The following TSPAN11 variants were observed in gnomAD, a reference collection of about 807,000 sequenced individuals.
TSPAN11 encodes tetraspanin-11.
In TSPAN11, 29 loss-of-function variants were observed where a neutral mutation model predicts 32.9. That is an observed-to-expected ratio of 0.88 (90% CI 0.66 to 1.20). The LOEUF is 1.20. TSPAN11 is among the 50% of genes most tolerant of loss of function. TSPAN11 has a pLI of 0.00. For missense variants in TSPAN11, 283 were observed against 329.1 expected, an observed-to-expected ratio of 0.86 and a Z score of 1.08; for synonymous variants, 140 against 141.3, an observed-to-expected ratio of 0.99 and a Z score of 0.07.
intron 1 of TSPAN11, among the ~76,000 whole-genome samples, chr12:30,931,104 C>T (rs549958070): frequency 2.0e-5 from 3 of 152,268 alleles, no homozygotes; most frequent in African/African-American, 7.2e-5. Context: ...GGATAAACCC[C>T]CCAGTGGTTC....
chr12:30,982,810 G>C (rs1939121338), intron 6 of TSPAN11, 120 bp downstream of exon 6: 3 of 1,390,206 alleles, frequency 2.2e-6, no homozygotes, highest in Non-Finnish European at 2.9e-6. Context: ...GTGCTCCTTG[G>C]CCACGAGCCC....
chr12:30,939,838 A>C (rs1445035579), intron 1 of TSPAN11, among the ~76,000 whole-genome samples: 2 of 152,162 alleles, frequency 1.3e-5, no homozygotes, highest in East Asian at 3.9e-4. Flanking sequence ...GCCCGATTAC[A>C]ACCTCAGGTG....
chr12:30,930,438 A>C (rs2140266816), intron 1 of TSPAN11, among the ~76,000 whole-genome samples: 1 of 152,352 alleles, frequency 6.6e-6, no homozygotes, highest in Middle Eastern at 3.4e-3. Flanking sequence ...AGGCAGAGGC[A>C]GCCAGCAGCA....
intron 1 of TSPAN11, among the ~76,000 whole-genome samples, chr12:30,952,746 G>C (rs1270795430): frequency 6.6e-6 from 1 of 152,232 alleles, no homozygotes; most frequent in Non-Finnish European, 1.5e-5. Context: ...CCCGGCATGT[G>C]TGTCTTCTCT....
intron 3 of TSPAN11, among the ~76,000 whole-genome samples, chr12:30,969,839 C>A (rs1339838560): frequency 6.6e-6 from 1 of 152,156 alleles, no homozygotes; most frequent in African/African-American, 2.4e-5. Flanking sequence ...GGACTCTGAC[C>A]CAGTTCTAGG....
intron 4 of TSPAN11, 148 bp from the exon 5 acceptor site, chr12:30,979,418 C>G: frequency 1.4e-6 from 1 of 709,708 alleles, no homozygotes; most frequent in Non-Finnish European, 2.4e-6. Context: ...GGCTGATGGT[C>G]CCTTACGCTG....
intron 2 of TSPAN11, among the ~76,000 whole-genome samples, chr12:30,959,596 A>C (rs1193782604): frequency 1.4e-5 from 2 of 147,520 alleles, no homozygotes; most frequent in Admixed American, 6.7e-5. Flanking sequence ...TACTTAGTTC[A>C]AAGTGATTAA....
chr12:30,998,880 A>G (rs1939450728), downstream of TSPAN11: 1 of 152,238 alleles, frequency 6.6e-6, no homozygotes, highest in African/African-American at 2.4e-5. Flanking sequence ...TCCTCTCCCC[A>G]AGTTGCCCGT....
At chr12:30,950,962 T>C (rs1938369388) in intron 1 of TSPAN11, among the ~76,000 whole-genome samples, 1 of 152,208 alleles carries the variant, frequency 6.6e-6, no homozygotes, top group South Asian at 2.1e-4. Context: ...ATAAAATATC[T>C]ACAAAATATA....
chr12:30,990,765 A>C (rs928246546), intron 7 of TSPAN11, among the ~76,000 whole-genome samples: 2 of 152,202 alleles, frequency 1.3e-5, no homozygotes, highest in Non-Finnish European at 2.9e-5. Flanking sequence ...TTGCACCGGC[A>C]AGGTCAGGGC....
intron 1 of TSPAN11, among the ~76,000 whole-genome samples, chr12:30,948,028 G>T (rs1456994095): frequency 6.6e-6 from 1 of 152,136 alleles, no homozygotes; most frequent in Admixed American, 6.5e-5. Context: ...GGGTTACAGG[G>T]CCCATGCAAG....
At chr12:30,928,314 G>A (rs1346192963) in intron 1 of TSPAN11, among the ~76,000 whole-genome samples, 1 of 152,196 alleles carries the variant, frequency 6.6e-6, no homozygotes, top group African/African-American at 2.4e-5. Flanking sequence ...AAATGAAGCA[G>A]TAAGGAGCAC....
intron 1 of TSPAN11, among the ~76,000 whole-genome samples, chr12:30,945,266 G>T (rs969041984): frequency 6.6e-6 from 1 of 151,870 alleles, no homozygotes; most frequent in African/African-American, 2.4e-5. Flanking sequence ...TCTTGAAAGC[G>T]CTCCCCAGTG....
At chr12:30,931,459 G>A (rs776939046) in intron 1 of TSPAN11, among the ~76,000 whole-genome samples, 32 of 151,710 alleles carry the variant, frequency 2.1e-4, no homozygotes, top group Non-Finnish European at 3.8e-4. Context: ...TTTTGGTCAG[G>A]TAGAAATTCA....
chr12:30,978,151 G>A (rs544422262), intron 3 of TSPAN11, among the ~76,000 whole-genome samples: 2 of 152,220 alleles, frequency 1.3e-5, no homozygotes, highest in South Asian at 4.2e-4. Context: ...CCACCTCCAG[G>A]AAGCCTTCTC....
At chr12:31,014,962 T>C in the TSPAN11 span, among the ~76,000 whole-genome samples, 7 of 151,498 alleles carry the variant, frequency 4.6e-5, no homozygotes, top group Admixed American at 1.3e-4. Context: ...CATCAGGGAG[T>C]TTTGTAATGA....
At position 30,976,241 on chromosome 12, in the gene TSPAN11, G is replaced by A. The variant is rs181484997; in HGVS notation, c.277-2320G>A. On this transcript the variant is annotated intron_variant, in intron 3 of 7. Coordinates refer to ENST00000546076, the MANE Select transcript of TSPAN11 (RefSeq NM_001370302.1). ...CTGGAGCTCTGGGAGGGCAGGAGGC[G>A]GGTTAGATCACTGGAAAGTACATTT... is the stretch of plus-strand genomic sequence containing the variant. Among the ~76,000 whole-genome samples, 4 of 152,248 alleles carry A rather than the reference G, an allele frequency of 2.6e-5. No homozygotes were observed. The East Asian group carries it at 5.8e-4, about 22-fold the overall frequency.
At chr12:30,952,779 A>G (rs1938407228) in intron 1 of TSPAN11, among the ~76,000 whole-genome samples, 1 of 152,202 alleles carries the variant, frequency 6.6e-6, no homozygotes, top group Non-Finnish European at 1.5e-5. Flanking sequence ...GCCATGGTCC[A>G]TTATAAGACT....
At chr12:30,953,547 G>A (rs908443624) in intron 1 of TSPAN11, among the ~76,000 whole-genome samples, 1 of 152,188 alleles carries the variant, frequency 6.6e-6, no homozygotes, top group African/African-American at 2.4e-5. Context: ...TGGGGCTCAG[G>A]CCACACCTGT....
Sources: allele counts gnomAD v4.1 joint callset (sites outside exome capture counted in the v4.1 genomes callset), GRCh38; gene constraint gnomAD v4.1.1; transcripts MANE v1.5; gene names NCBI Gene and HGNC (gene_info 2026-07-23, HGNC 2026-07-21).